UBE3D: variants seen among roughly 807,000 people sequenced by gnomAD.
UBE3D encodes E3 ubiquitin-protein ligase E3D.
UBE3D carries 48 observed loss-of-function variants against 49.6 expected under a neutral mutation model. The ratio of observed to expected loss-of-function variants is 0.97; its 90% CI spans 0.77 to 1.23. UBE3D has a LOEUF of 1.23. Ranked by LOEUF, UBE3D falls within the 50% of genes most tolerant of loss-of-function variation. UBE3D has a pLI of 0.00. For missense variants in UBE3D, 452 were observed against 468.4 expected, an observed-to-expected ratio of 0.96 and a Z score of 0.32; for synonymous variants, 189 against 174.2, an observed-to-expected ratio of 1.08 and a Z score of -0.67.
intron 2 of UBE3D, among the ~76,000 whole-genome samples, chr6:83,056,076 C>A (rs1463139156): frequency 6.6e-6 from 1 of 152,104 alleles, no homozygotes; most frequent in East Asian, 1.9e-4. Flanking sequence ...CCAGTGAACA[C>A]AAACAATATG....
intron 8 of UBE3D, among the ~76,000 whole-genome samples, chr6:82,964,124 T>C (rs1776741866): frequency 1.3e-5 from 2 of 150,574 alleles, no homozygotes. Context: ...ACCATCCTTA[T>C]TTCTAAACTT....
intron 8 of UBE3D, among the ~76,000 whole-genome samples, chr6:82,967,069 C>A (rs1389334304): frequency 2.0e-5 from 3 of 152,110 alleles, no homozygotes; most frequent in African/African-American, 7.2e-5. Context: ...TCAAGCCCCA[C>A]ATGATTTACT....
At chr6:83,018,111 A>G (rs2127768015) in intron 8 of UBE3D, 1 of 152,280 alleles carries the variant, frequency 6.6e-6, no homozygotes, top group East Asian at 1.9e-4. Flanking sequence ...TGCATAAGAA[A>G]CCTAATTAAT....
intron 8 of UBE3D, among the ~76,000 whole-genome samples, chr6:82,997,650 C>T (rs1035761284): frequency 6.6e-5 from 10 of 151,978 alleles, no homozygotes; most frequent in African/African-American, 2.4e-4. Context: ...ACCCAGGAGG[C>T]GGGGCTTGCA....
intron 7 of UBE3D, among the ~76,000 whole-genome samples, chr6:83,020,407 A>T (rs1781012064): frequency 6.6e-6 from 1 of 151,600 alleles, no homozygotes; most frequent in Non-Finnish European, 1.5e-5. Context: ...TTGTATATGG[A>T]AAGAATAAAA....
At chr6:83,042,444 T>C (rs916873363) in intron 4 of UBE3D, among the ~76,000 whole-genome samples, 2 of 152,224 alleles carry the variant, frequency 1.3e-5, no homozygotes, top group Non-Finnish European at 1.5e-5. Context: ...TAATTAAACA[T>C]ATTATAGCAC....
intron 9 of UBE3D, among the ~76,000 whole-genome samples, chr6:82,951,049 G>T (rs1775758608): frequency 6.6e-6 from 1 of 151,512 alleles, no homozygotes; most frequent in Non-Finnish European, 1.5e-5. Context: ...AGCACAACAG[G>T]GTGACTATAG....
At chr6:82,912,678 C>T (rs2770683) in intron 9 of UBE3D, among the ~76,000 whole-genome samples, 101,652 of 151,612 alleles carry the variant, frequency 0.67, 34,584 homozygotes, top group East Asian at 0.79. Context: ...GGGTATAATG[C>T]TAAAATTTTG....
intron 8 of UBE3D, among the ~76,000 whole-genome samples, chr6:82,972,007 G>A (rs542264814): frequency 2.8e-4 from 42 of 152,248 alleles, no homozygotes; most frequent in African/African-American, 9.9e-4. Context: ...AATAGATGGT[G>A]AGACCAGAGA....
chr6:82,912,498 T>C (rs1011456403), intron 9 of UBE3D, among the ~76,000 whole-genome samples: 2 of 152,096 alleles, frequency 1.3e-5, no homozygotes, highest in African/African-American at 4.8e-5. Context: ...CATTACAATG[T>C]AAAATTAGTC....
intron 8 of UBE3D, among the ~76,000 whole-genome samples, chr6:83,000,506 A>G (rs1582599538): frequency 1.3e-5 from 2 of 152,320 alleles, no homozygotes; most frequent in South Asian, 2.1e-4. Flanking sequence ...GGCTACTGCA[A>G]TAGCTTCCTA....
chr6:82,917,200 G>T (rs1042357681), intron 9 of UBE3D, among the ~76,000 whole-genome samples: 1 of 152,130 alleles, frequency 6.6e-6, no homozygotes, highest in African/African-American at 2.4e-5. Context: ...GATTACAGGA[G>T]CTCAACTGGG....
At chr6:83,042,589 A>G (rs1782750591) in intron 4 of UBE3D, among the ~76,000 whole-genome samples, 2 of 152,228 alleles carry the variant, frequency 1.3e-5, no homozygotes, top group Admixed American at 1.3e-4. Flanking sequence ...CCTCAAAGAC[A>G]GACATTGTTG....
In UBE3D at chr6:83,044,438, T is replaced by C. The variant is rs1782883427; in HGVS notation, c.587A>G (p.His196Arg). ...GAAATGATATTTTACCAATTTACAA[T>C]GGTTGTCAGAAGAAACACAGCACAT... Reference protein sequence around the residue: ...VEMCCVSSDNHCKLEPKANTK... With the variant: ...VEMCCVSSDNRCKLEPKANTK... Residue 196 changes from histidine (H) to arginine (R), a missense_variant, in exon 4 of 10, where the codon CAT becomes CGT. Physicochemically the swap from His to Arg is conservative, Grantham distance 29 (BLOSUM62 0). Coordinates refer to ENST00000369747, the MANE Select transcript of UBE3D (RefSeq NM_198920.3). 5.6e-6 allele frequency: 9 copies of C among 1,614,044 alleles called. No homozygotes were observed. In the East Asian group the frequency reaches 1.1e-4, roughly 20 times the overall value.
chr6:82,901,231 C>T (rs1294092141), intron 9 of UBE3D, among the ~76,000 whole-genome samples: 1 of 151,540 alleles, frequency 6.6e-6, no homozygotes, highest in Non-Finnish European at 1.5e-5. Flanking sequence ...TCTTTAATTG[C>T]TGCATTATAT....
intron 9 of UBE3D, among the ~76,000 whole-genome samples, chr6:82,919,614 AAAT>A (rs768516050): frequency 1.4e-4 from 21 of 151,806 alleles, no homozygotes; most frequent in Non-Finnish European, 2.9e-4. Flanking sequence ...AAATAAAATA[AAAT>A]AAAATAATAA....
intron 9 of UBE3D, among the ~76,000 whole-genome samples, chr6:82,929,947 A>G (rs1232561219): frequency 6.6e-6 from 1 of 152,112 alleles, no homozygotes; most frequent in Non-Finnish European, 1.5e-5. Context: ...AGTGGTGTAC[A>G]TTCTATGGGT....
chr6:82,952,426 T>C (rs2127768429), intron 9 of UBE3D, among the ~76,000 whole-genome samples: 1 of 148,718 alleles, frequency 6.7e-6, no homozygotes, highest in Middle Eastern at 3.4e-3. Context: ...TGATTATTAA[T>C]ATCTAATTTT....
chr6:83,029,485 CT>C (rs1277779705), intron 5 of UBE3D, among the ~76,000 whole-genome samples: 1 of 152,096 alleles, frequency 6.6e-6, no homozygotes, highest in African/African-American at 2.4e-5. Context: ...GATTTGCTAT[CT>C]GTTCAAAGCT....
Sources: allele counts gnomAD v4.1 joint callset (sites outside exome capture counted in the v4.1 genomes callset), GRCh38; gene constraint gnomAD v4.1.1; transcripts MANE v1.5; gene names NCBI Gene and HGNC (gene_info 2026-07-23, HGNC 2026-07-21).